Variants in AGK observed in about 807,000 individuals in gnomAD.
The protein encoded by AGK is acylglycerol kinase, mitochondrial.
In AGK, 52 loss-of-function variants were observed where a neutral mutation model predicts 66.4. That is an observed-to-expected ratio of 0.78 (90% CI 0.63 to 0.99). AGK has a LOEUF of 0.99. AGK is among the 50% of genes least tolerant of loss of function. The pLI is 0.00. For missense variants in AGK, 451 were observed against 506.6 expected (o/e 0.89, Z 1.05); for synonymous variants, 182 against 181.1 (o/e 1.00, Z -0.04).
At chr7:141,580,645 T>G (rs988308959) in intron 2 of AGK, among the ~76,000 whole-genome samples, 1 of 151,890 alleles carries the variant, frequency 6.6e-6, no homozygotes, top group East Asian at 1.9e-4. Flanking sequence ...GAGAGTGAGT[T>G]GAGCATAGTT....
At chr7:141,611,322 G>C in intron 6 of AGK, 35 bp downstream of exon 6, 1 of 1,505,110 alleles carries the variant, frequency 6.6e-7, no homozygotes, top group Non-Finnish European at 9.1e-7. Context: ...CTATTTTGAA[G>C]GTGAGAAAAA....
At chr7:141,554,868 G>A (rs1277264744) in intron 1 of AGK, among the ~76,000 whole-genome samples, 2 of 152,132 alleles carry the variant, frequency 1.3e-5, no homozygotes, top group African/African-American at 4.8e-5. Context: ...ATAGTTCTTT[G>A]TAATATGCAT....
At chr7:141,615,374 G>A in intron 7 of AGK, 97 bp from the exon 8 acceptor site, 1 of 879,448 alleles carries the variant, frequency 1.1e-6, no homozygotes, top group Non-Finnish European at 1.8e-6. Flanking sequence ...GCAGATACAG[G>A]GTCAGTTATT....
chr7:141,570,046 C>T (rs1338458102), intron 2 of AGK, among the ~76,000 whole-genome samples: 1 of 152,064 alleles, frequency 6.6e-6, no homozygotes, highest in East Asian at 1.9e-4. Flanking sequence ...CAATATGTCA[C>T]AATATTATCG....
intron 2 of AGK, among the ~76,000 whole-genome samples, chr7:141,578,382 C>T (rs1317332791): frequency 2.0e-5 from 3 of 151,846 alleles, no homozygotes; most frequent in East Asian, 1.9e-4. Context: ...ATTTTCACTT[C>T]TTTTGTGATT....
intron 11 of AGK, among the ~76,000 whole-genome samples, chr7:141,638,239 G>A (rs938201578): frequency 1.3e-5 from 2 of 152,072 alleles, no homozygotes; most frequent in African/African-American, 4.8e-5. Context: ...GAGAGGAGGG[G>A]CATCTAAATC....
At chr7:141,622,387 T>A (rs1450712828) in intron 9 of AGK, among the ~76,000 whole-genome samples, 1 of 152,238 alleles carries the variant, frequency 6.6e-6, no homozygotes, top group African/African-American at 2.4e-5. Context: ...AAATTGAACG[T>A]CTGTGGCAAC....
At chr7:141,559,747 G>T (rs1056537916) in intron 2 of AGK, among the ~76,000 whole-genome samples, 1 of 151,756 alleles carries the variant, frequency 6.6e-6, no homozygotes, top group Non-Finnish European at 1.5e-5. Flanking sequence ...TCTTTTTATT[G>T]TACTCTTTAA....
chr7:141,583,371 C>T (rs1319285091), intron 2 of AGK, among the ~76,000 whole-genome samples: 5 of 144,528 alleles, frequency 3.5e-5, no homozygotes, highest in South Asian at 2.2e-4. Context: ...GGGGTGCTTG[C>T]CCCCCAGGAA....
At chr7:141,580,713 A>G (rs544470086) in intron 2 of AGK, among the ~76,000 whole-genome samples, 2 of 152,162 alleles carry the variant, frequency 1.3e-5, no homozygotes, top group South Asian at 4.1e-4. Context: ...CACGCAGACC[A>G]TGAGGGCTAG....
At chr7:141,563,063 G>T (rs1389543240) in intron 2 of AGK, among the ~76,000 whole-genome samples, 1 of 152,178 alleles carries the variant, frequency 6.6e-6, no homozygotes, top group Admixed American at 6.5e-5. Context: ...TCACACTTTG[G>T]GGAATCACGG....
At chr7:141,580,900 A>C (rs1795868389) in intron 2 of AGK, among the ~76,000 whole-genome samples, 2 of 151,976 alleles carry the variant, frequency 1.3e-5, no homozygotes, top group Non-Finnish European at 2.9e-5. Flanking sequence ...TCTTCAAGGA[A>C]TGGAAAGAGG....
chr7:141,650,491 G>A, intron 14 of AGK: 1 of 985,358 alleles, frequency 1.0e-6, no homozygotes, highest in Non-Finnish European at 1.2e-6. Context: ...ATCAAGTAAT[G>A]TCTGTTTCCT....
chr7:141,644,094 TAAA>T (rs11320468), intron 13 of AGK, among the ~76,000 whole-genome samples: 1 of 147,466 alleles, frequency 6.8e-6, no homozygotes, highest in Non-Finnish European at 1.5e-5. Context: ...ATGTGAATGC[TAAA>T]AAAAAAAAAA....
chr7:141,619,304 C>G (rs1796774421), intron 8 of AGK, among the ~76,000 whole-genome samples: 1 of 152,062 alleles, frequency 6.6e-6, no homozygotes, highest in Admixed American at 6.6e-5. Context: ...TACTCTAAAG[C>G]TACAGTGATC....
intron 2 of AGK, among the ~76,000 whole-genome samples, chr7:141,589,366 A>G (rs2116914159): frequency 6.6e-6 from 1 of 152,320 alleles, no homozygotes; most frequent in Non-Finnish European, 1.5e-5. Flanking sequence ...TTATTCTGAC[A>G]ATGCTGATAT....
At chr7:141,650,529 G>A in intron 14 of AGK, 1 of 985,444 alleles carries the variant, frequency 1.0e-6, no homozygotes, top group Non-Finnish European at 1.2e-6. Context: ...ACATAGTGAA[G>A]CTGCGTTAGA....
chr7:141,557,128 C>T (rs1795225562), intron 2 of AGK, among the ~76,000 whole-genome samples: 1 of 152,188 alleles, frequency 6.6e-6, no homozygotes, highest in South Asian at 2.1e-4. Flanking sequence ...GAAGTCTCCA[C>T]ATTGGAAAAG....
rs538108405 is a variant in AGK, at chr7:141,625,108, T to A, written c.588+3307T>A. Among the ~76,000 whole-genome samples the A allele has an allele frequency of 1.7e-3, 261 of 152,120 alleles. 2 individuals carry two copies. The highest frequency in any genetic ancestry group is 0.01 in the South Asian group (49 of 4,818). ...TTTAATTTAGCATTTAATGTTAGCA[T>A]TTTTTTTAAGTTAAGGTGCATACTT... On this transcript the variant is annotated intron_variant, in intron 9 of 15. Transcript: ENST00000649286.
Sources: allele counts gnomAD v4.1 joint callset (sites outside exome capture counted in the v4.1 genomes callset), GRCh38; gene constraint gnomAD v4.1.1; transcripts MANE v1.5; gene names NCBI Gene and HGNC (gene_info 2026-07-23, HGNC 2026-07-21).